PACSIN2: variants seen among roughly 807,000 people sequenced by gnomAD.
The protein encoded by PACSIN2 is protein kinase C and casein kinase substrate in neurons 2, also known as protein kinase C and casein kinase substrate in neurons protein 2.
In PACSIN2, 25 loss-of-function variants were observed where a neutral mutation model predicts 63.8. The ratio of observed to expected loss-of-function variants is 0.39; its 90% CI spans 0.29 to 0.55. PACSIN2 has a LOEUF of 0.55. PACSIN2 is among the 20% of genes least tolerant of loss of function. The pLI is 0.62. For missense variants in PACSIN2, 518 were observed against 646.9 expected (o/e 0.80, Z 2.16); for synonymous variants, 255 against 256.2 (o/e 1.00, Z 0.05).
chr22:42,921,086 G>A (rs1339876987), intron 1 of PACSIN2, among the ~76,000 whole-genome samples: 1 of 152,016 alleles, frequency 6.6e-6, no homozygotes, highest in Non-Finnish European at 1.5e-5. Flanking sequence ...TGGGCCAGGT[G>A]CAGTGGCTCA....
Position 42,882,231 on chromosome 22 carries a change from G to A in PACSIN2, c.859C>T (p.Arg287Ter), listed in dbSNP as rs1027154871. Residue 287 changes from arginine (R) to a stop codon, truncating the protein, a stop_gained, in exon 7 of 11, where the codon CGA becomes TGA. Coordinates refer to ENST00000263246, the MANE Select transcript of PACSIN2 (RefSeq NM_001184970.3). LOFTEE classifies it high-confidence loss of function. ...GCCATGCCCGGCCCGTGATTGGCTCGGAACCACCTCAGGTCCTCCACTGCA... is the reference window on the plus strand; with the variant it reads ...GCCATGCCCGGCCCGTGATTGGCTCAGAACCACCTCAGGTCCTCCACTGCA... ...ADAVEDLRWF[R>*]ANHGPGMAMN... The A allele has an allele frequency of 3.7e-6, 6 of 1,613,956 alleles. No homozygotes were observed. Among genetic ancestry groups the A allele is most frequent in the Non-Finnish European group, 5.1e-6 (6 of 1,179,966 alleles).
intron 9 of PACSIN2, 26 bp downstream of exon 9, chr22:42,876,862 A>G (rs1460498238): frequency 1.5e-5 from 25 of 1,613,540 alleles, no homozygotes; most frequent in Middle Eastern, 1.6e-4. Context: ...GCGCGGTGGG[A>G]GCAGAGGAAG....
intron 1 of PACSIN2, among the ~76,000 whole-genome samples, chr22:42,977,740 T>G (rs1021416958): frequency 1.3e-5 from 2 of 152,100 alleles, no homozygotes; most frequent in African/African-American, 4.8e-5. Context: ...GTAAGTGTGT[T>G]CTCGGAGATC....
chr22:42,990,287 A>G (rs1048923075), intron 1 of PACSIN2, among the ~76,000 whole-genome samples: 9 of 152,132 alleles, frequency 5.9e-5, no homozygotes, highest in African/African-American at 2.2e-4. Context: ...CTCCTCCCAA[A>G]GAATGAATCA....
chr22:42,890,728 A>T (rs1037169373), intron 4 of PACSIN2, among the ~76,000 whole-genome samples: 2 of 152,216 alleles, frequency 1.3e-5, no homozygotes, highest in Non-Finnish European at 2.9e-5. Context: ...AAATAAAAAT[A>T]AAAAATTTAA....
At chr22:43,006,989 T>G (rs1339491290) in intron 1 of PACSIN2, among the ~76,000 whole-genome samples, 1 of 152,068 alleles carries the variant, frequency 6.6e-6, no homozygotes, top group African/African-American at 2.4e-5. Context: ...TCCTTGAGAC[T>G]CCCAGAGACA....
intron 1 of PACSIN2, among the ~76,000 whole-genome samples, chr22:42,933,869 G>GA (rs2146781930): frequency 6.6e-6 from 1 of 152,360 alleles, no homozygotes; most frequent in African/African-American, 2.4e-5. Flanking sequence ...TGAAGTGTGT[G>GA]AAAGTATGAA....
rs532041935 is a variant in PACSIN2 at position 43,000,731 on chromosome 22, T to C, written c.-78+14290A>G. ...TTTGCAAGACTAAGAAGAAAAGAAA[T>C]AAATCCAAAAGGAAATACAAGAAGC... On this transcript the variant is annotated intron_variant, in intron 1 of 10. Transcript: ENST00000263246. 5.9e-5 allele frequency among the ~76,000 whole-genome samples: 9 copies of C among 152,070 alleles called. No homozygotes were observed. In the South Asian group the frequency reaches 1.9e-3, roughly 32 times the overall value.
chr22:42,987,530 C>CTTTTTTTTTTTTTTTT lies in PACSIN2; in HGVS notation c.-78+27475_-78+27490dup, dbSNP rs1160565529. ...TGTTCAGAAGACGGGCACATTCATT[C>CTTTTTTTTTTTTTTTT]TTTTTTTTTTTTTTTTTTGAGACAG... On this transcript the variant is annotated intron_variant, in intron 1 of 10. Coordinates refer to ENST00000263246, the MANE Select transcript of PACSIN2 (RefSeq NM_001184970.3). 3.8e-5 allele frequency among the ~76,000 whole-genome samples: 2 copies of CTTTTTTTTTTTTTTTT among 52,028 alleles called. 1 individual carries two copies. Among genetic ancestry groups the CTTTTTTTTTTTTTTTT allele is most frequent in the African/African-American group, 1.9e-4 (2 of 10,282 alleles). 34.1% of individuals were successfully genotyped at this position (52,028 alleles called of 152,430 possible). A position where few individuals can be genotyped will look rare whatever the true frequency, so the allele number is the denominator to read the frequency against.
intron 2 of PACSIN2, among the ~76,000 whole-genome samples, chr22:42,907,623 G>A (rs1485593589): frequency 6.6e-6 from 1 of 152,256 alleles, no homozygotes; most frequent in Non-Finnish European, 1.5e-5. Flanking sequence ...GGAGGCGGCT[G>A]GGCAGCAGAC....
intron 1 of PACSIN2, among the ~76,000 whole-genome samples, chr22:42,922,694 G>A (rs2092210): frequency 0.43 from 65,025 of 152,018 alleles, 14,521 homozygotes; most frequent in Non-Finnish European, 0.48. Context: ...AGGTGAGAGG[G>A]CCCTTTGATA....
intron 1 of PACSIN2, among the ~76,000 whole-genome samples, chr22:42,959,321 C>A (rs993334356): frequency 6.6e-6 from 1 of 152,120 alleles, no homozygotes; most frequent in Non-Finnish European, 1.5e-5. Flanking sequence ...AACATTAACG[C>A]CTTAAAGTAG....
At chr22:42,879,660 T>C (rs942277306) in intron 7 of PACSIN2, among the ~76,000 whole-genome samples, 1 of 152,206 alleles carries the variant, frequency 6.6e-6, no homozygotes, top group Admixed American at 6.5e-5. Context: ...TTTGCGTCGA[T>C]GCCCTAAATT....
intron 1 of PACSIN2, among the ~76,000 whole-genome samples, chr22:42,966,016 A>T (rs933203251): frequency 1.1e-4 from 17 of 152,332 alleles, no homozygotes; most frequent in African/African-American, 4.1e-4. Flanking sequence ...AGAACAGGGT[A>T]GTGGCTATTT....
At position 42,925,437 on chromosome 22, in the gene PACSIN2, G is replaced by A. The variant is rs1003610309; in HGVS notation, c.-77-13280C>T. On this transcript the variant is annotated intron_variant, in intron 1 of 10. Transcript: ENST00000263246. ...AGAGGTTGCAGTGAGCCAAGATCAC[G>A]CCATAGCACTCCAGCCTGGGCGACA... is the stretch of plus-strand genomic sequence containing the variant. Among the ~76,000 whole-genome samples, 7 of 150,708 alleles carry A rather than the reference G, an allele frequency of 4.6e-5. No individual in the cohort carries two copies. The South Asian group carries it at 1.1e-3, about 23-fold the overall frequency.
At chr22:42,963,001 A>T (rs1042419232) in intron 1 of PACSIN2, among the ~76,000 whole-genome samples, 1 of 151,736 alleles carries the variant, frequency 6.6e-6, no homozygotes, top group African/African-American at 2.4e-5. Context: ...CTGCCCGACC[A>T]CTCTTTAGGT....
intron 1 of PACSIN2, among the ~76,000 whole-genome samples, chr22:42,967,740 T>A (rs1920982390): frequency 6.6e-6 from 1 of 151,752 alleles, no homozygotes; most frequent in Non-Finnish European, 1.5e-5. Context: ...TACAAAAAAT[T>A]AGCCGGGCGT....
chr22:42,965,789 T>C (rs890459451), intron 1 of PACSIN2, among the ~76,000 whole-genome samples: 3 of 152,180 alleles, frequency 2.0e-5, no homozygotes, highest in African/African-American at 7.2e-5. Flanking sequence ...AAGTGGCAGG[T>C]GTCAGCAATA....
intron 10 of PACSIN2, among the ~76,000 whole-genome samples, chr22:42,873,172 G>C (rs1214784277): frequency 6.6e-6 from 1 of 152,192 alleles, no homozygotes; most frequent in African/African-American, 2.4e-5. Context: ...TGATTAGAAG[G>C]TTCATTTCAA....
Sources: allele counts gnomAD v4.1 joint callset (sites outside exome capture counted in the v4.1 genomes callset), GRCh38; gene constraint gnomAD v4.1.1; transcripts MANE v1.5; gene names NCBI Gene and HGNC (gene_info 2026-07-23, HGNC 2026-07-21).